Variants in DEFB124 observed in about 807,000 individuals in gnomAD.
The protein encoded by DEFB124 is defensin beta 124.
For missense variants in DEFB124, 78 were observed against 83.1 expected (o/e 0.94, Z 0.24); for synonymous variants, 38 against 36.5 (o/e 1.04, Z -0.15).
intron 2 of DEFB124, among the ~76,000 whole-genome samples, chr20:31,470,302 G>C (rs376284000): frequency 1.4e-5 from 2 of 142,130 alleles, no homozygotes; most frequent in South Asian, 2.2e-4. Flanking sequence ...CGGGCAGAGG[G>C]GTTCCTCACT....
At chr20:31,470,858 G>T (rs1262255126) in intron 2 of DEFB124, among the ~76,000 whole-genome samples, 1 of 129,476 alleles carries the variant, frequency 7.7e-6, no homozygotes, top group Admixed American at 7.4e-5. Flanking sequence ...CCTCCCGGAC[G>T]GGGCGGCTGG....
rs768800947 is a variant in DEFB124 at position 31,474,758 on chromosome 20, C to A, written c.-157G>T. Among the ~76,000 whole-genome samples, 1 of 152,200 alleles carries A rather than the reference C, an allele frequency of 6.6e-6. No individual in the cohort carries two copies. Among genetic ancestry groups the A allele is most frequent in the Non-Finnish European group, 1.5e-5 (1 of 68,042 alleles). On this transcript the variant is annotated 5_prime_UTR_variant, in exon 1 of 3. Transcript: ENST00000317676. ...ATGCCAAAATAAGATTTTCATAATT[C>A]TTCAGTGCAGACTTCCTGAGCTCTC...
intron 2 of DEFB124, among the ~76,000 whole-genome samples, chr20:31,468,385 T>C (rs1315231238): frequency 6.6e-6 from 1 of 152,162 alleles, no homozygotes; most frequent in East Asian, 1.9e-4. Context: ...TTCACGGGAA[T>C]GGAGAGGGAA....
intron 2 of DEFB124, among the ~76,000 whole-genome samples, chr20:31,472,267 G>T (rs1177443300): frequency 6.6e-6 from 1 of 152,234 alleles, no homozygotes; most frequent in African/African-American, 2.4e-5. Flanking sequence ...GTCAGGCGTG[G>T]TGGCGCGCGC....
At chr20:31,468,771 G>C (rs1430249700) in intron 2 of DEFB124, among the ~76,000 whole-genome samples, 1 of 150,074 alleles carries the variant, frequency 6.7e-6, no homozygotes, top group Non-Finnish European at 1.5e-5. Flanking sequence ...CACCGCGCCC[G>C]GCCAGGGTTC....
chr20:31,470,755 C>T (rs1357195780), intron 2 of DEFB124, among the ~76,000 whole-genome samples: 9 of 131,492 alleles, frequency 6.8e-5, no homozygotes, highest in East Asian at 2.5e-4. Flanking sequence ...GGCAGAGGGG[C>T]TCCTCACTTC....
chr20:31,468,380 G>A (rs903097846), intron 2 of DEFB124, among the ~76,000 whole-genome samples: 3 of 152,160 alleles, frequency 2.0e-5, no homozygotes, highest in Non-Finnish European at 2.9e-5. Flanking sequence ...AATAATTCAC[G>A]GGAATGGAGA....
At chr20:31,465,732 T>C in intron 2 of DEFB124, 69 bp from the exon 3 acceptor site, 1 of 1,564,106 alleles carries the variant, frequency 6.4e-7, no homozygotes, top group Non-Finnish European at 8.7e-7. Flanking sequence ...GGTCACAAGT[T>C]AGGCCACAGA....
intron 2 of DEFB124, among the ~76,000 whole-genome samples, chr20:31,471,364 A>T (rs1364977023): frequency 5.7e-5 from 1 of 17,458 alleles, no homozygotes; most frequent in Non-Finnish European, 1.1e-4. Flanking sequence ...GCGGGGGCTG[A>T]CCCCCCCACC....
chr20:31,470,244 G>A (rs1474779467), intron 2 of DEFB124, among the ~76,000 whole-genome samples: 2 of 145,484 alleles, frequency 1.4e-5, no homozygotes, highest in East Asian at 2.2e-4. Context: ...GCGGCTGGCC[G>A]GGCGGGGGGC....
rs1980375539 is a variant in DEFB124, at chr20:31,472,951, G to A, written c.58+5C>T. The A allele has an allele frequency of 3.1e-6, 5 of 1,613,260 alleles. No individual in the cohort carries two copies. The highest frequency in any genetic ancestry group is 2.7e-5 in the African/African-American group (2 of 74,540). On this transcript the variant is annotated splice_donor_5th_base_variant and intron_variant, in intron 2 of 2. Transcript: ENST00000317676. ...CACACACACACATGCACACGATGTT[G>A]TTACCTGATGGCACATGACCCAGAA...
chr20:31,470,854 G>A (rs1219199005), intron 2 of DEFB124, among the ~76,000 whole-genome samples: 3 of 139,506 alleles, frequency 2.2e-5, no homozygotes, highest in East Asian at 2.3e-4. Flanking sequence ...CCTCCCTCCC[G>A]GACGGGGCGG....
chr20:31,474,609 T>C lies in DEFB124; in HGVS notation c.-26+18A>G, dbSNP rs922388148. On this transcript the variant is annotated intron_variant, in intron 1 of 2. Coordinates refer to ENST00000317676, the MANE Select transcript of DEFB124 (RefSeq NM_001037500.2). ...GATGGCCGACGTCACCAGCAATCTC[T>C]TTCCTCCTCCTCCATACCTGGGAGC... Among the ~76,000 whole-genome samples the C allele has an allele frequency of 6.6e-6, 1 of 151,862 alleles. No individual in the cohort carries two copies. The highest frequency in any genetic ancestry group is 1.5e-5 in the Non-Finnish European group (1 of 67,996).
chr20:31,473,140 G>A, intron 1 of DEFB124, 102 bp from the exon 2 acceptor site: 1 of 1,038,766 alleles, frequency 9.6e-7, no homozygotes, highest in Non-Finnish European at 1.4e-6. Context: ...TGGGCAGCAG[G>A]CCTAAGTGGG....
chr20:31,470,454 A>T (rs531842658), intron 2 of DEFB124, among the ~76,000 whole-genome samples: 2,146 of 123,492 alleles, frequency 0.017, 12 homozygotes, highest in Non-Finnish European at 0.024. Context: ...TCCCTCCCGG[A>T]CGGGGTGGCT....
At chr20:31,466,456 C>T (rs962618329) in intron 2 of DEFB124, among the ~76,000 whole-genome samples, 5 of 151,766 alleles carry the variant, frequency 3.3e-5, no homozygotes, top group African/African-American at 4.9e-5. Flanking sequence ...AAAAATTAGC[C>T]GGGCCTGGTG....
intron 2 of DEFB124, among the ~76,000 whole-genome samples, chr20:31,470,524 C>T (rs976133805): frequency 1.1e-4 from 15 of 134,936 alleles, no homozygotes; most frequent in South Asian, 2.4e-4. Context: ...GCGCCCCTCA[C>T]TTCCCGGACG....
rs193122343 is a variant in DEFB124 at position 31,475,031 on chromosome 20, T to C, written c.-430A>G. On this transcript the variant is annotated 5_prime_UTR_variant, in exon 1 of 3. Transcript: ENST00000317676. This position sits in a 1 kb window ranked among gnomAD's most constrained non-coding sequence, Gnocchi z 5.0. ...GCATCCCCTTGATGGAGTGGACAGA[T>C]GTGGACGCAGATGGAGCTCCAGACC... Among the ~76,000 whole-genome samples, 2 of 152,198 alleles carry C rather than the reference T, an allele frequency of 1.3e-5. No homozygotes were observed. The highest frequency in any genetic ancestry group is 3.9e-4 in the East Asian group (2 of 5,194).
chr20:31,467,539 A>T (rs1272161262), intron 2 of DEFB124, among the ~76,000 whole-genome samples: 1 of 152,186 alleles, frequency 6.6e-6, no homozygotes, highest in Non-Finnish European at 1.5e-5. Context: ...TCACTTTAGC[A>T]CAGTGCCTGG....
Sources: gnomAD v4.1 joint callset for allele counts (sites outside exome capture counted in the v4.1 genomes callset) on GRCh38, gnomAD v4.1.1 for gene constraint, Gnocchi (gnomAD v3.1) non-coding constraint, MANE v1.5 for transcripts, NCBI Gene and HGNC (gene_info 2026-07-23, HGNC 2026-07-21) for gene names.